FBN2: variants seen among roughly 807,000 people sequenced by gnomAD.
FBN2 encodes the protein fibrillin-2.
FBN2 carries 105 observed loss-of-function variants against 355.6 expected under a neutral mutation model. The ratio of observed to expected loss-of-function variants is 0.30; its 90% confidence interval spans 0.25 to 0.35. The LOEUF (loss-of-function observed/expected upper bound fraction) is 0.35. Ranked by LOEUF, FBN2 falls within the 10% of genes least tolerant of loss-of-function variation. FBN2 has a pLI of 1.00. For missense variants in FBN2, 3,280 were observed against 3,758.7 expected (o/e 0.87, Z 3.33); for synonymous variants, 1,350 against 1,301.2 (o/e 1.04, Z -0.81).
chr5:128,488,971 G>A (rs1378882642), intron 5 of FBN2, among the ~76,000 whole-genome samples: 1 of 152,170 alleles, frequency 6.6e-6, no homozygotes, highest in Non-Finnish European at 1.5e-5. Context: ...ACGTGCACGT[G>A]TGTCTTTATA....
chr5:128,363,932 T>A (rs1210548293), intron 18 of FBN2, among the ~76,000 whole-genome samples: 1 of 152,244 alleles, frequency 6.6e-6, no homozygotes, highest in Non-Finnish European at 1.5e-5. Context: ...CTAATCATAA[T>A]CATTAACACT....
chr5:128,440,629 C>T (rs940760083), intron 7 of FBN2, among the ~76,000 whole-genome samples: 11 of 152,218 alleles, frequency 7.2e-5, no homozygotes, highest in African/African-American at 1.2e-4. Context: ...TGGGTGGGGA[C>T]GTAGGGCCAA....
At chr5:128,349,763 GA>G (rs1253818780) in intron 22 of FBN2, among the ~76,000 whole-genome samples, 191 bp downstream of exon 22, 2 of 152,202 alleles carry the variant, frequency 1.3e-5, no homozygotes, top group Non-Finnish European at 2.9e-5. Flanking sequence ...ACTCCATAAA[GA>G]GGAGAAACGG....
At chr5:128,333,897 T>G (rs973905852) in intron 31 of FBN2, among the ~76,000 whole-genome samples, 1 of 148,376 alleles carries the variant, frequency 6.7e-6, no homozygotes, top group Admixed American at 6.7e-5. Flanking sequence ...ACATCAACCC[T>G]GTCAGTGGTG....
At chr5:128,293,121 T>C (rs767182950) in intron 48 of FBN2, among the ~76,000 whole-genome samples, 3 of 152,182 alleles carry the variant, frequency 2.0e-5, no homozygotes, top group Non-Finnish European at 2.9e-5. Context: ...TGTACACATA[T>C]CTATGTCTGT....
intron 5 of FBN2, among the ~76,000 whole-genome samples, chr5:128,509,203 G>T (rs1200197999): frequency 6.6e-6 from 1 of 151,880 alleles, no homozygotes; most frequent in Non-Finnish European, 1.5e-5. Flanking sequence ...CTATTATTTT[G>T]CTAACTCTAA....
intron 4 of FBN2, among the ~76,000 whole-genome samples, chr5:128,524,144 G>A (rs1756505558): frequency 6.6e-6 from 1 of 152,042 alleles, no homozygotes; most frequent in African/African-American, 2.4e-5. Flanking sequence ...CCAGGGACAT[G>A]GATCTTACGG....
intron 11 of FBN2, among the ~76,000 whole-genome samples, chr5:128,380,981 T>C (rs977967637): frequency 4.0e-5 from 6 of 151,332 alleles, no homozygotes; most frequent in Non-Finnish European, 8.9e-5. Flanking sequence ...GAATGTTGAT[T>C]ATCAAAATTG....
In FBN2 at chr5:128,460,191, A is replaced by G. The variant is rs77483649; in HGVS notation, c.826+4533T>C. On this transcript the variant is annotated intron_variant, in intron 6 of 64. Transcript: ENST00000262464. ...TAATAGACAAACAGAGAGTCAAATC[A>G]TGAGTGAACTCCCATCAATAATAGA... Among the ~76,000 whole-genome samples the G allele has an allele frequency of 8.5e-4, 129 of 152,312 alleles. 3 individuals carry two copies. The East Asian group carries it at 0.024, about 28-fold the overall frequency.
chr5:128,311,797 G>T, intron 38 of FBN2, 88 bp downstream of exon 38: 2 of 903,406 alleles, frequency 2.2e-6, no homozygotes, highest in Non-Finnish European at 3.7e-6. Flanking sequence ...TCTTGTCGGG[G>T]CTGCTCTGCC....
chr5:128,361,979 G>A (rs1581241494), intron 18 of FBN2, 131 bp from the exon 19 acceptor site: 25 of 926,594 alleles, frequency 2.7e-5, no homozygotes, highest in South Asian at 4.0e-5. Context: ...GTATCACAGC[G>A]CACTCTTCAT....
intron 41 of FBN2, among the ~76,000 whole-genome samples, 194 bp downstream of exon 41, chr5:128,309,053 C>A (rs774355749): frequency 9.9e-5 from 15 of 152,218 alleles, no homozygotes; most frequent in Non-Finnish European, 2.1e-4. Context: ...ACAAGCCTAT[C>A]CAACATAATG....
chr5:128,512,511 T>C lies in FBN2; in HGVS notation c.628+6762A>G, dbSNP rs1470274265. ...CTGGGCAACAGAGCAGGAACCCGTCTCAAAAAAAAAAAAAAAAAAAAAAGC... is the reference window on the plus strand; with the variant it reads ...CTGGGCAACAGAGCAGGAACCCGTCCCAAAAAAAAAAAAAAAAAAAAAAGC... On this transcript the variant is annotated intron_variant, in intron 5 of 64. Transcript: ENST00000262464. Among the ~76,000 whole-genome samples, 3 of 51,888 alleles carry C rather than the reference T, an allele frequency of 5.8e-5. No homozygotes were observed. In the Admixed American group the frequency reaches 6.7e-4, roughly 12 times the overall value. The allele number at this position is 51,888 out of a possible 152,430, so 34.0% of individuals were successfully genotyped here. A position where few individuals can be genotyped will look rare whatever the true frequency, so the allele number is the denominator to read the frequency against.
intron 6 of FBN2, among the ~76,000 whole-genome samples, chr5:128,449,373 T>TA (rs1265990264): frequency 2.0e-4 from 25 of 125,802 alleles, no homozygotes; most frequent in African/African-American, 3.8e-4. Flanking sequence ...ACTGTATAAT[T>TA]TATAGTATAC....
intron 6 of FBN2, among the ~76,000 whole-genome samples, chr5:128,447,425 A>C (rs1754098048): frequency 6.6e-6 from 1 of 152,124 alleles, no homozygotes; most frequent in African/African-American, 2.4e-5. Flanking sequence ...ACAGTTGTAG[A>C]TAAGGGATGA....
rs1168426536 is a variant in FBN2, at chr5:128,434,424, A to ATATATATATATG, written c.952+12056_952+12057insCATATATATATA. Among the ~76,000 whole-genome samples the ATATATATATATG allele has an allele frequency of 8.2e-4, 107 of 130,466 alleles. 2 individuals are homozygous for ATATATATATATG. Among genetic ancestry groups the ATATATATATATG allele is most frequent in the Admixed American group, 1.5e-3 (21 of 13,630 alleles). 85.6% of individuals were successfully genotyped at this position (130,466 alleles called of 152,430 possible). On this transcript the variant is annotated intron_variant, in intron 7 of 64. Transcript: ENST00000262464. ...TATATATATATATATATATATATAT[A>ATATATATATATG]TGGGCAGTAAGTGACAGCACTGGCG...
intron 5 of FBN2, among the ~76,000 whole-genome samples, chr5:128,504,122 A>C (rs2127143770): frequency 6.6e-6 from 1 of 152,342 alleles, no homozygotes; most frequent in South Asian, 2.1e-4. Flanking sequence ...AGTGCACAGA[A>C]GTCAAGAATT....
intron 5 of FBN2, among the ~76,000 whole-genome samples, chr5:128,495,574 A>G (rs979673062): frequency 6.6e-6 from 1 of 152,186 alleles, no homozygotes; most frequent in African/African-American, 2.4e-5. Flanking sequence ...ACAATTAAGG[A>G]TAAAAAGCCT....
At chr5:128,271,504 A>T (rs73341386) in intron 62 of FBN2, among the ~76,000 whole-genome samples, 2,613 of 152,306 alleles carry the variant, frequency 0.017, 79 homozygotes, top group African/African-American at 0.06. Flanking sequence ...AGAGCTGCCA[A>T]CAGCATTTGC....
Sources: gnomAD v4.1 joint callset for allele counts (sites outside exome capture counted in the v4.1 genomes callset) on GRCh38, gnomAD v4.1.1 for gene constraint, MANE v1.5 for transcripts, NCBI Gene and HGNC (gene_info 2026-07-23, HGNC 2026-07-21) for gene names.